Variants in ZAN observed in about 807,000 individuals in gnomAD.
ZAN encodes zonadhesin (gene/pseudogene).
A neutral mutation model predicts 286.2 loss-of-function variants in ZAN; 260 were observed. The observed-to-expected ratio is 0.91, with a 90% CI of 0.82 to 1.01. ZAN has a LOEUF of 1.01. Ranked by LOEUF, ZAN falls within the 50% of genes least tolerant of loss-of-function variation. The probability of loss-of-function intolerance (pLI) is 0.00; values close to 1 mark genes in which losing one functional copy is unlikely to be tolerated. For missense variants in ZAN, 3,410 were observed against 3,639.2 expected (o/e 0.94, Z 1.62); for synonymous variants, 1,368 against 1,417.5 (o/e 0.97, Z 0.79).
At chr7:100,767,333 G>C (rs750530465) in intron 25 of ZAN, 76 bp downstream of exon 25, 8 of 1,541,126 alleles carry the variant, frequency 5.2e-6, no homozygotes, top group Non-Finnish European at 7.0e-6. Context: ...CTCCTTGCCC[G>C]GATGCCCACC....
Position 100,771,941 on chromosome 7 carries a change from G to A in ZAN, c.5346G>A (p.Leu1782=). 1 of 1,612,214 alleles carries A rather than the reference G, an allele frequency of 6.2e-7. No homozygotes were observed. Among genetic ancestry groups the A allele is most frequent in the Non-Finnish European group, 8.5e-7 (1 of 1,179,762 alleles). The change falls in exon 29 of 48, where the codon CTG becomes CTA. Residue 1782 remains leucine (L), a synonymous_variant. Transcript: ENST00000613979. Reference sequence around the variant, plus strand: ...GGACCAAGGGCGACACCACAGCCCTGTGCCGCTCCCTGCAGGCCTACGCGT... The same window carrying A: ...GGACCAAGGGCGACACCACAGCCCTATGCCGCTCCCTGCAGGCCTACGCGT... ...QCGTKGDTTA[L]CRSLQAYASL... is the part of the protein sequence containing the mutation.
At position 100,736,527 on chromosome 7, in the gene ZAN, T is replaced by G; in HGVS notation, c.151T>G (p.Cys51Gly). Reference protein sequence around the residue: ...CDFEDDAKPLCDWSQVSADDE... With the variant: ...CDFEDDAKPLGDWSQVSADDE... ...TTTTGAGGATGACGCCAAACCCCTC[T>G]GTGACTGGTCCCAAGTGTCCGCAGA... The change falls in exon 4 of 48, where the codon TGT (cysteine) becomes GGT (glycine). Residue 51 changes from cysteine (C) to glycine (G), a missense_variant. Cys to Gly is a radical substitution (Grantham distance 159). Transcript: ENST00000613979. 4 of 1,524,014 alleles carry G rather than the reference T, an allele frequency of 2.6e-6. No homozygotes were observed. Among genetic ancestry groups the G allele is most frequent in the Non-Finnish European group, 3.6e-6 (4 of 1,108,066 alleles). The allele number at this position is 1,524,014 out of a possible 1,614,324, so 94.4% of individuals were successfully genotyped here. A position where few individuals can be genotyped will look rare whatever the true frequency, so the allele number is the denominator to read the frequency against.
chr7:100,771,220 G>A (rs939575149), intron 28 of ZAN, among the ~76,000 whole-genome samples: 6 of 152,210 alleles, frequency 3.9e-5, no homozygotes, highest in South Asian at 2.1e-4. Context: ...GGTTATAGGC[G>A]GGAGCCACCA....
chr7:100,773,230 G>C (rs1217638790), intron 29 of ZAN, 55 bp from the exon 30 acceptor site: 1 of 1,591,254 alleles, frequency 6.3e-7, no homozygotes, highest in African/African-American at 1.3e-5. Context: ...GATGCCCCAA[G>C]GTTTGGGGGC....
At chr7:100,737,216 C>T (rs1303619812) in intron 5 of ZAN, 46 bp from the exon 6 acceptor site, 2 of 1,424,756 alleles carry the variant, frequency 1.4e-6, no homozygotes, top group Non-Finnish European at 1.9e-6. Flanking sequence ...GCCAGGAGGC[C>T]TGGCTGAGGG....
At position 100,734,183 on chromosome 7, in the gene ZAN, C is replaced by A; in HGVS notation, c.15C>A (p.Val5=). ...TTAGGGTCCTCATGGTTCCTCCAGT[C>A]TGGACTCTGCTGCTTCTGGTGGGGG... MVPP[V]WTLLLLVGAA... is the part of the protein sequence containing the mutation. The change falls in exon 2 of 48, where the codon GTC becomes GTA. Residue 5 remains valine (V), a synonymous_variant. Coordinates refer to ENST00000613979, the MANE Select transcript of ZAN (RefSeq NM_003386.3). 3 of 1,458,698 alleles carry A rather than the reference C, an allele frequency of 2.1e-6. 1 individual carries two copies. The highest frequency in any genetic ancestry group is 2.8e-6 in the Non-Finnish European group (3 of 1,073,108). The allele number at this position is 1,458,698 out of a possible 1,614,324, so 90.4% of individuals were successfully genotyped here. A position where few individuals can be genotyped will look rare whatever the true frequency, so the allele number is the denominator to read the frequency against.
At chr7:100,771,800 T>C in intron 28 of ZAN, 44 bp from the exon 29 acceptor site, 1 of 1,580,988 alleles carries the variant, frequency 6.3e-7, no homozygotes, top group Non-Finnish European at 8.6e-7. Context: ...CCCTGTTCCT[T>C]CCCGGCCCCT....
chr7:100,773,728 A>T lies in ZAN; in HGVS notation c.5642A>T (p.Glu1881Val), dbSNP rs1267485351. ...DPAGSYHPVGERWYTENTCTR... is the reference protein window; with the variant it reads ...DPAGSYHPVGVRWYTENTCTR... Reference sequence around the variant, plus strand: ...GATCCCTGTGGCCCACAGGTCGGGGAGCGCTGGTACACAGAGAACACCTGC... The same window carrying T: ...GATCCCTGTGGCCCACAGGTCGGGGTGCGCTGGTACACAGAGAACACCTGC... The change falls in exon 31 of 48, where the codon GAG (glutamate) becomes GTG (valine). Residue 1881 changes from glutamate to valine, a missense_variant. This residue lies in a region of ZAN where 1,289 missense variants were observed against 1,314.3 expected (regional missense o/e 0.98). Transcript: ENST00000613979. The T allele has an allele frequency of 3.2e-5, 51 of 1,609,214 alleles. No homozygotes were observed. The highest frequency in any genetic ancestry group is 4.2e-5 in the Non-Finnish European group (49 of 1,177,832).
chr7:100,771,420 C>T (rs1713490294), intron 28 of ZAN, among the ~76,000 whole-genome samples: 1 of 151,370 alleles, frequency 6.6e-6, no homozygotes, highest in African/African-American at 2.4e-5. Flanking sequence ...CTGGAAAATC[C>T]AGGAGGTTTT....
At chr7:100,751,126 G>A in intron 12 of ZAN, 56 bp from the exon 13 acceptor site, 1 of 1,451,750 alleles carries the variant, frequency 6.9e-7, no homozygotes, top group Non-Finnish European at 9.3e-7. Flanking sequence ...GAATCACAGA[G>A]TTGCTGGAGA....
Position 100,748,417 on chromosome 7 carries a change from A to G in ZAN, c.1196A>G (p.His399Arg), listed in dbSNP as rs116151900. 1,310 of 1,613,998 alleles carry G rather than the reference A, an allele frequency of 8.1e-4. 13 individuals carry two copies. The African/African-American group carries it at 0.016, about 20-fold the overall frequency. The change falls in exon 11 of 48, where the codon CAT becomes CGT. Residue 399 changes from histidine to arginine, a missense_variant. His to Arg is a conservative substitution (Grantham distance 29). Coordinates refer to ENST00000613979, the MANE Select transcript of ZAN (RefSeq NM_003386.3). ...GATGGTGGACACTGGGCCCTCGGAC[A>G]TAAAAATGGACCCGTCCATGGCATG... Reference protein sequence around the residue: ...SGDGGHWALGHKNGPVHGMGP... With the variant: ...SGDGGHWALGRKNGPVHGMGP...
chr7:100,784,360 C>T (rs1277185007), intron 35 of ZAN, among the ~76,000 whole-genome samples: 1 of 151,990 alleles, frequency 6.6e-6, no homozygotes, highest in African/African-American at 2.4e-5. Flanking sequence ...GATCTCCTGA[C>T]CTTGTGATCC....
At chr7:100,791,369 CTCCTCCTCCTCT>C (rs1245051694) in intron 40 of ZAN, among the ~76,000 whole-genome samples, 5 of 151,766 alleles carry the variant, frequency 3.3e-5, no homozygotes, top group South Asian at 2.1e-4. Flanking sequence ...TCCTTCTTTC[CTCCTCCTCCTCT>C]TCCTCCTCCT....
Position 100,788,025 on chromosome 7 carries a change from C to T in ZAN, c.7116C>T (p.Leu2372=), listed in dbSNP as rs554213717. The change falls in exon 38 of 48, where the codon CTC becomes CTT. Residue 2372 remains leucine, a synonymous_variant. Transcript: ENST00000613979. ...DVLPEGVEPL[L]VEGRNKMDPP... is the part of the protein sequence containing the mutation. ...TGCCTGAGGGGGTGGAGCCCCTCCT[C>T]GTGGAAGGACGCAACAAGATGGATC... The T allele has an allele frequency of 3.5e-5, 55 of 1,568,992 alleles. No homozygotes were observed. The South Asian group carries it at 3.5e-4, about 10-fold the overall frequency.
chr7:100,775,159 CA>C (rs1454576817), intron 31 of ZAN, among the ~76,000 whole-genome samples, 168 bp from the exon 32 acceptor site: 1 of 151,942 alleles, frequency 6.6e-6, no homozygotes. Flanking sequence ...CAAACCAGCC[CA>C]CCTTGGCCTC....
intron 30 of ZAN, 66 bp downstream of exon 30, chr7:100,773,559 C>T (rs1221643833): frequency 1.3e-5 from 20 of 1,573,696 alleles, no homozygotes; most frequent in Non-Finnish European, 1.6e-5. Context: ...AGGGCAAGCT[C>T]AGGAGAGGCA....
rs774812984 is a variant in ZAN at position 100,755,317 on chromosome 7, G to C, written c.3216G>C (p.Glu1072Asp). ...CTAGCTGTGGGCCCCTCTGTCGGGA[G>C]GGCTGTGTCTGCAACCCTGGCTTTT... ...PRPSCGPLCR[E>D]GCVCNPGFLF... The change falls in exon 15 of 48, where the codon GAG (glutamate) becomes GAC (aspartate). Residue 1072 changes from glutamate (E) to aspartate (D), a missense_variant. Coordinates refer to ENST00000613979, the MANE Select transcript of ZAN (RefSeq NM_003386.3). 2.5e-6 allele frequency: 4 copies of C among 1,613,876 alleles called. No homozygotes were observed. In the East Asian group the frequency reaches 8.9e-5, roughly 36 times the overall value.
chr7:100,767,056 C>A lies in ZAN; in HGVS notation c.4659C>A (p.Phe1553Leu), dbSNP rs77770888. ...TASGDPHYLTFDGALHHFMGT... is the reference protein window; with the variant it reads ...TASGDPHYLTLDGALHHFMGT... ...CGGGTGACCCCCACTACCTGACCTT[C>A]GATGGCGCCTTGCACCACTTCATGG... Residue 1553 changes from phenylalanine (F) to leucine (L), a missense_variant, in exon 25 of 48, where the codon TTC becomes TTA. By Grantham distance (22) the Phe-to-Leu change is conservative (BLOSUM62 0). Transcript: ENST00000613979. The A allele has an allele frequency of 6.2e-7, 1 of 1,613,886 alleles. No individual in the cohort carries two copies. The highest frequency in any genetic ancestry group is 1.3e-5 in the African/African-American group (1 of 75,038).
Position 100,786,152 on chromosome 7 carries a change from C to A in ZAN, c.6979+11C>A. The A allele has an allele frequency of 6.2e-7, 1 of 1,613,516 alleles. No individual in the cohort carries two copies. The highest frequency in any genetic ancestry group is 2.2e-5 in the East Asian group (1 of 44,870). On this transcript the variant is annotated intron_variant, in intron 37 of 47. Coordinates refer to ENST00000613979, the MANE Select transcript of ZAN (RefSeq NM_003386.3). ...ATTGTGTCTCAGACAGTAAGGGGAG[C>A]GACCGGGGAGGTTGGAGAGGGGAGC...
Sources: gnomAD v4.1 joint callset for allele counts (sites outside exome capture counted in the v4.1 genomes callset) on GRCh38, gnomAD v4.1.1 for gene constraint, gnomAD v4.1.1 regional missense constraint, MANE v1.5 for transcripts, NCBI Gene and HGNC (gene_info 2026-07-23, HGNC 2026-07-21) for gene names.